CCDC169: variants seen among roughly 807,000 people sequenced by gnomAD.
CCDC169 encodes the protein coiled-coil domain containing 169.
In CCDC169, 30 loss-of-function variants were observed where a neutral mutation model predicts 36.0. The ratio of observed to expected loss-of-function variants is 0.83; its 90% CI spans 0.62 to 1.13. The LOEUF (loss-of-function observed/expected upper bound fraction) is 1.13, where lower values mean the gene tolerates loss of function less well. Ranked by LOEUF, CCDC169 falls within the 50% of genes most tolerant of loss-of-function variation. The probability of loss-of-function intolerance (pLI) is 0.00; values close to 1 mark genes in which losing one functional copy is unlikely to be tolerated. For missense variants in CCDC169, 245 were observed against 245.9 expected (o/e 1.00, Z 0.03); for synonymous variants, 85 against 81.5 (o/e 1.04, Z -0.23).
intron 4 of CCDC169, among the ~76,000 whole-genome samples, chr13:36,260,035 G>C (rs538515361): frequency 6.6e-6 from 1 of 152,328 alleles, no homozygotes. Flanking sequence ...CATGCCTCTG[G>C]GAGCCCTGGG....
At chr13:36,250,399 T>A (rs112638009) in intron 6 of CCDC169, among the ~76,000 whole-genome samples, 1 of 152,252 alleles carries the variant, frequency 6.6e-6, no homozygotes, top group African/African-American at 2.4e-5. Flanking sequence ...TAATGCAAAC[T>A]GAAGGTTTTT....
At chr13:36,260,625 C>T (rs1041462796) in intron 4 of CCDC169, among the ~76,000 whole-genome samples, 13 of 152,160 alleles carry the variant, frequency 8.5e-5, no homozygotes, top group African/African-American at 2.4e-5. Flanking sequence ...ACTCCAGCTA[C>T]TTGTGATGAG....
chr13:36,261,349 C>T lies in CCDC169; in HGVS notation c.316-7206G>A, dbSNP rs188091743. Reference sequence around the variant, plus strand: ...GAGACGACAACATAAGCCCCTGTTACTGTGCCATCCTTCAAGATCAATCAG... The same window carrying T: ...GAGACGACAACATAAGCCCCTGTTATTGTGCCATCCTTCAAGATCAATCAG... On this transcript the variant is annotated intron_variant, in intron 4 of 7. Coordinates refer to ENST00000239859, the MANE Select transcript of CCDC169 (RefSeq NM_001144981.3). Among the ~76,000 whole-genome samples, 6 of 152,264 alleles carry T rather than the reference C, an allele frequency of 3.9e-5. No homozygotes were observed. In the East Asian group the frequency reaches 1.2e-3, roughly 29 times the overall value.
At chr13:36,278,475 G>T (rs368634208) in intron 4 of CCDC169, among the ~76,000 whole-genome samples, 4 of 152,128 alleles carry the variant, frequency 2.6e-5, no homozygotes, top group African/African-American at 9.6e-5. Context: ...CCTCTAATTG[G>T]CACTTCTTTC....
chr13:36,231,417 C>CTATT, intron 7 of CCDC169, 125 bp from the exon 8 acceptor site: 1 of 867,776 alleles, frequency 1.2e-6, no homozygotes, highest in Non-Finnish European at 1.7e-6. Flanking sequence ...CACACGGAAA[C>CTATT]CTTCCTGTGA....
chr13:36,295,971 C>T (rs1166509234), intron 1 of CCDC169, 114 bp from the exon 2 acceptor site: 10 of 609,030 alleles, frequency 1.6e-5, no homozygotes, highest in Non-Finnish European at 2.8e-5. Context: ...ACATTATTTA[C>T]TGAAGGACTG....
At chr13:36,250,170 G>C (rs1193436293) in intron 6 of CCDC169, among the ~76,000 whole-genome samples, 1 of 152,132 alleles carries the variant, frequency 6.6e-6, no homozygotes, top group Non-Finnish European at 1.5e-5. Context: ...CCACATGGAA[G>C]AGCAGCCAAT....
At chr13:36,240,619 T>C in intron 7 of CCDC169, 3 of 1,284,610 alleles carry the variant, frequency 2.3e-6, no homozygotes, top group Non-Finnish European at 3.0e-6. Flanking sequence ...AGGGTACCAA[T>C]GGCTCCTTAG....
intron 7 of CCDC169, 87 bp from the exon 8 acceptor site, chr13:36,231,379 T>C: frequency 7.8e-7 from 1 of 1,274,346 alleles, no homozygotes; most frequent in Middle Eastern, 1.9e-4. Flanking sequence ...GAAATGTATA[T>C]TGCACCTTGT....
intron 7 of CCDC169, among the ~76,000 whole-genome samples, chr13:36,246,553 T>C (rs1872524944): frequency 6.6e-6 from 1 of 152,158 alleles, no homozygotes; most frequent in African/African-American, 2.4e-5. Context: ...CAGCAGAGGA[T>C]GGTTCATGAG....
chr13:36,286,915 C>T (rs986519353), intron 2 of CCDC169, among the ~76,000 whole-genome samples: 2 of 152,160 alleles, frequency 1.3e-5, no homozygotes, highest in African/African-American at 4.8e-5. Context: ...AAAACCTGAC[C>T]TCCTTTCTCC....
At chr13:36,277,386 G>T (rs752189616) in intron 4 of CCDC169, among the ~76,000 whole-genome samples, 14 of 152,000 alleles carry the variant, frequency 9.2e-5, no homozygotes, top group Non-Finnish European at 1.5e-4. Flanking sequence ...CTAGGTGATG[G>T]GTTGATAGGT....
intron 7 of CCDC169, among the ~76,000 whole-genome samples, chr13:36,236,098 C>T (rs1485288427): frequency 6.6e-6 from 1 of 151,716 alleles, no homozygotes. Flanking sequence ...ACAGATTCAA[C>T]ATACTCTCTC....
At chr13:36,235,512 C>G (rs1316939098) in intron 7 of CCDC169, among the ~76,000 whole-genome samples, 1 of 151,792 alleles carries the variant, frequency 6.6e-6, no homozygotes, top group Non-Finnish European at 1.5e-5. Context: ...ACAAAATTTA[C>G]AGCTAACATT....
intron 4 of CCDC169, chr13:36,280,716 A>G (rs976778831): frequency 8.5e-5 from 13 of 152,216 alleles, no homozygotes; most frequent in Admixed American, 3.9e-4. Context: ...TCTACAGTGG[A>G]TATGTTTGAT....
intron 7 of CCDC169, chr13:36,244,499 T>G (rs374433427): frequency 1.3e-5 from 2 of 152,226 alleles, no homozygotes; most frequent in Non-Finnish European, 2.9e-5. Context: ...GTATTTCTTA[T>G]GTGACCCTAA....
chr13:36,264,850 G>A (rs539028147), intron 4 of CCDC169, among the ~76,000 whole-genome samples: 15 of 152,200 alleles, frequency 9.9e-5, no homozygotes, highest in Non-Finnish European at 2.2e-4. Flanking sequence ...CTGTCCTCAT[G>A]AAGCTGAGAA....
chr13:36,269,571 T>C (rs1278995640), intron 4 of CCDC169, among the ~76,000 whole-genome samples: 1 of 152,136 alleles, frequency 6.6e-6, no homozygotes, highest in Non-Finnish European at 1.5e-5. Flanking sequence ...AAAGATAAGG[T>C]ACCTTGATCA....
chr13:36,281,352 C>A (rs1877515133), intron 4 of CCDC169: 1 of 408,422 alleles, frequency 2.4e-6, no homozygotes, highest in Non-Finnish European at 4.7e-6. Flanking sequence ...ACCCTTGATA[C>A]ATCATGCTAA....
Sources: allele counts gnomAD v4.1 joint callset (sites outside exome capture counted in the v4.1 genomes callset), GRCh38; gene constraint gnomAD v4.1.1; transcripts MANE v1.5; gene names NCBI Gene and HGNC (gene_info 2026-07-23, HGNC 2026-07-21).